ATP13A5: variants seen among roughly 807,000 people sequenced by gnomAD.
The protein encoded by ATP13A5 is ATPase 13A5, also known as probable cation-transporting ATPase 13A5.
Under a neutral mutation model 150.2 loss-of-function variants are expected in ATP13A5, and 149 were observed. The observed-to-expected ratio is 0.99, with a 90% CI of 0.87 to 1.14. The LOEUF is 1.14. Ranked by LOEUF, ATP13A5 falls within the 50% of genes most tolerant of loss-of-function variation. The probability of loss-of-function intolerance (pLI) is 0.00; values close to 1 mark genes in which losing one functional copy is unlikely to be tolerated. For missense variants in ATP13A5, 1,383 were observed against 1,449.3 expected, an observed-to-expected ratio of 0.95 and a Z score of 0.74; for synonymous variants, 497 against 522.2, an observed-to-expected ratio of 0.95 and a Z score of 0.66.
rs1311554533 is a variant in ATP13A5, at chr3:193,324,785, A to C, written c.1674+79T>G. 3.3e-6 allele frequency: 5 copies of C among 1,498,062 alleles called. No homozygotes were observed. In the East Asian group the frequency reaches 1.1e-4, roughly 34 times the overall value. 92.8% of individuals were successfully genotyped at this position (1,498,062 alleles called of 1,614,324 possible). A position where few individuals can be genotyped will look rare whatever the true frequency, so the allele number is the denominator to read the frequency against. ...TTATTATGAACCTTCTCTGTGTTTTAACAAAAATTAGAAAAGCTTCAGCAC... is the reference window on the plus strand; with the variant it reads ...TTATTATGAACCTTCTCTGTGTTTTCACAAAAATTAGAAAAGCTTCAGCAC... On this transcript the variant is annotated intron_variant, in intron 14 of 29. Coordinates refer to ENST00000342358, the MANE Select transcript of ATP13A5 (RefSeq NM_198505.4).
intron 11 of ATP13A5, 148 bp downstream of exon 11, chr3:193,333,602 A>C (rs1711725970): frequency 1.3e-6 from 1 of 765,416 alleles, no homozygotes; most frequent in African/African-American, 1.7e-5. Context: ...ACTAGGCATG[A>C]GAACATTTCC....
At chr3:193,364,423 C>T in intron 1 of ATP13A5, 143 bp from the exon 2 acceptor site, 4 of 947,178 alleles carry the variant, frequency 4.2e-6, no homozygotes, top group Non-Finnish European at 6.3e-6. Context: ...AAGTTGACTG[C>T]TTGCAGCTGT....
At chr3:193,284,875 A>G (rs1323749147) in intron 27 of ATP13A5, 39 bp downstream of exon 27, 3 of 1,526,654 alleles carry the variant, frequency 2.0e-6, no homozygotes, top group Non-Finnish European at 2.7e-6. Context: ...AGGGAATGGG[A>G]AAATATTCAG....
chr3:193,285,174 G>GAA, intron 26 of ATP13A5, 58 bp from the exon 27 acceptor site: 2 of 1,305,024 alleles, frequency 1.5e-6, no homozygotes, highest in Non-Finnish European at 2.1e-6. Flanking sequence ...TCCATTAGGT[G>GAA]AAAAAAAAAA....
intron 1 of ATP13A5, among the ~76,000 whole-genome samples, chr3:193,367,930 C>G (rs1305968015): frequency 7.2e-6 from 1 of 138,136 alleles, no homozygotes; most frequent in Non-Finnish European, 1.5e-5. Flanking sequence ...CAGTACAGTA[C>G]TAGAAGTCTT....
At chr3:193,293,892 C>A (rs1331246215) in intron 25 of ATP13A5, among the ~76,000 whole-genome samples, 1 of 152,060 alleles carries the variant, frequency 6.6e-6, no homozygotes, top group African/African-American at 2.4e-5. Flanking sequence ...CCTCCTGCAC[C>A]TCCTTCTCTG....
At chr3:193,377,564 T>C (rs1013815236) in intron 1 of ATP13A5, among the ~76,000 whole-genome samples, 1 of 152,220 alleles carries the variant, frequency 6.6e-6, no homozygotes, top group Admixed American at 6.5e-5. Context: ...GCTCAGAAAC[T>C]ACACGTGGCC....
intron 17 of ATP13A5, among the ~76,000 whole-genome samples, chr3:193,317,915 A>C (rs1719112909): frequency 6.6e-6 from 1 of 152,204 alleles, no homozygotes; most frequent in African/African-American, 2.4e-5. Context: ...TTTTCTTCAC[A>C]CATGTCCTTA....
chr3:193,344,342 G>A (rs563388136), intron 8 of ATP13A5, among the ~76,000 whole-genome samples: 3 of 152,326 alleles, frequency 2.0e-5, no homozygotes, highest in Admixed American at 1.3e-4. Context: ...AAGCAGAAGT[G>A]CAGCTTCCTG....
chr3:193,357,617 C>A (rs1712841804), intron 5 of ATP13A5, among the ~76,000 whole-genome samples: 1 of 152,210 alleles, frequency 6.6e-6, no homozygotes, highest in Non-Finnish European at 1.5e-5. Context: ...GACATTCTGA[C>A]CAGCTGGCAG....
At chr3:193,360,873 C>T (rs1243921990) in intron 5 of ATP13A5, among the ~76,000 whole-genome samples, 1 of 152,210 alleles carries the variant, frequency 6.6e-6, no homozygotes, top group Non-Finnish European at 1.5e-5. Context: ...GACGGAGTTT[C>T]ACCATGTTGG....
intron 15 of ATP13A5, 150 bp downstream of exon 15, chr3:193,322,341 A>G: frequency 1.5e-6 from 1 of 684,824 alleles, no homozygotes; most frequent in East Asian, 2.5e-5. Context: ...AAATTAATAG[A>G]CAAATTCGGA....
At chr3:193,347,535 G>C (rs552490037) in intron 7 of ATP13A5, among the ~76,000 whole-genome samples, 1 of 72,652 alleles carries the variant, frequency 1.4e-5, no homozygotes, top group Admixed American at 1.2e-4. Flanking sequence ...TTTTTTTTTT[G>C]CTTAGAAACT....
At chr3:193,329,029 G>A (rs577878340) in intron 12 of ATP13A5, among the ~76,000 whole-genome samples, 4 of 152,096 alleles carry the variant, frequency 2.6e-5, no homozygotes, top group East Asian at 3.9e-4. Context: ...GGTGGATCAC[G>A]AGGTCAAGCG....
intron 11 of ATP13A5, among the ~76,000 whole-genome samples, chr3:193,332,339 G>T (rs1241105078): frequency 1.3e-5 from 2 of 152,162 alleles, no homozygotes; most frequent in Non-Finnish European, 2.9e-5. Context: ...TTTATAAATT[G>T]CCCAGTCTCA....
chr3:193,339,550 A>G (rs1712033582), intron 9 of ATP13A5, among the ~76,000 whole-genome samples: 1 of 152,222 alleles, frequency 6.6e-6, no homozygotes, highest in African/African-American at 2.4e-5. Flanking sequence ...GCTAAGGTGT[A>G]AGAAGCTATA....
rs115713371 is a variant in ATP13A5, at chr3:193,376,293, G to C, written c.63+2370C>G. Among the ~76,000 whole-genome samples, 502 of 152,308 alleles carry C rather than the reference G, an allele frequency of 3.3e-3. 4 individuals are homozygous for C. Among genetic ancestry groups the C allele is most frequent in the African/African-American group, 0.011 (469 of 41,568 alleles). On this transcript the variant is annotated intron_variant, in intron 1 of 29. Transcript: ENST00000342358. ...TGCTGGCAGATCCAGTGTCTGATGA[G>C]GACCCTCCTTCTGGTGCATAGACTG... is the stretch of plus-strand genomic sequence containing the variant.
chr3:193,324,776 C>T lies in ATP13A5; in HGVS notation c.1674+88G>A, dbSNP rs1719411837. The T allele has an allele frequency of 3.5e-6, 5 of 1,438,644 alleles. No individual in the cohort carries two copies. The South Asian group carries it at 6.5e-5, about 19-fold the overall frequency. The allele number at this position is 1,438,644 out of a possible 1,614,324, so 89.1% of individuals were successfully genotyped here. On this transcript the variant is annotated intron_variant, in intron 14 of 29. Transcript: ENST00000342358. The stretch of plus-strand genomic sequence containing the variant: ...ATACATACATTATTATGAACCTTCT[C>T]TGTGTTTTAACAAAAATTAGAAAAG...
intron 1 of ATP13A5, among the ~76,000 whole-genome samples, chr3:193,374,673 A>G (rs1713578429): frequency 6.6e-6 from 1 of 150,776 alleles, no homozygotes; most frequent in Admixed American, 6.6e-5. Context: ...ACACACACAC[A>G]CGCATACATA....
Sources: allele counts gnomAD v4.1 joint callset (sites outside exome capture counted in the v4.1 genomes callset), GRCh38; gene constraint gnomAD v4.1.1; transcripts MANE v1.5; gene names NCBI Gene and HGNC (gene_info 2026-07-23, HGNC 2026-07-21).